Variants in GADL1 observed in about 807,000 individuals in gnomAD.
GADL1 encodes acidic amino acid decarboxylase GADL1.
A neutral mutation model predicts 69.5 loss-of-function variants in GADL1; 71 were observed. That is an observed-to-expected ratio of 1.02 (90% confidence interval 0.84 to 1.25). GADL1 has a LOEUF of 1.25. Ranked by LOEUF, GADL1 falls within the 50% of genes most tolerant of loss-of-function variation. GADL1 has a pLI of 0.00. For missense variants in GADL1, 737 were observed against 631.8 expected, an observed-to-expected ratio of 1.17 and a Z score of -1.79; for synonymous variants, 254 against 214.4, an observed-to-expected ratio of 1.18 and a Z score of -1.62.
intron 14 of GADL1, among the ~76,000 whole-genome samples, chr3:30,732,710 T>G (rs1335507812): frequency 1.3e-5 from 2 of 152,322 alleles, no homozygotes; most frequent in East Asian, 3.9e-4. Context: ...GACATTTCTT[T>G]TTAAGAATTT....
chr3:30,845,712 G>T (rs1323894817), intron 6 of GADL1, among the ~76,000 whole-genome samples: 1 of 152,150 alleles, frequency 6.6e-6, no homozygotes, highest in East Asian at 1.9e-4. Context: ...TAATGTACAA[G>T]AAAGTGTAAT....
chr3:30,844,445 C>T lies in GADL1; in HGVS notation c.673G>A (p.Ala225Thr). The change falls in exon 7 of 15, where the codon GCA becomes ACA. Residue 225 changes from alanine to threonine, a missense_variant. Transcript: ENST00000282538. ...GTGCCAATCCCAAGAAAAGAGGCTG[C>T]CTTCTTCATAGAGTAATGACACTGA... ...SAECHYSMKK[A>T]ASFLGIGTEN... 4 of 1,612,152 alleles carry T rather than the reference C, an allele frequency of 2.5e-6. No homozygotes were observed. The highest frequency in any genetic ancestry group is 3.4e-6 in the Non-Finnish European group (4 of 1,178,250).
chr3:30,783,769 A>G (rs948490337), intron 13 of GADL1, among the ~76,000 whole-genome samples: 1 of 152,026 alleles, frequency 6.6e-6, no homozygotes, highest in African/African-American at 2.4e-5. Flanking sequence ...GAAAAAATCC[A>G]GGGGCAGAAG....
chr3:30,859,925 G>A (rs984911008), intron 2 of GADL1, among the ~76,000 whole-genome samples: 1 of 151,830 alleles, frequency 6.6e-6, no homozygotes, highest in African/African-American at 2.4e-5. Flanking sequence ...TGACAACTTA[G>A]GATCTTAAGA....
At chr3:30,783,152 G>A (rs565519362) in intron 13 of GADL1, among the ~76,000 whole-genome samples, 5 of 152,250 alleles carry the variant, frequency 3.3e-5, no homozygotes, top group Admixed American at 1.3e-4. Flanking sequence ...ATATGTCCTC[G>A]AAGATCTTCT....
intron 14 of GADL1, among the ~76,000 whole-genome samples, chr3:30,753,422 T>C (rs1278753277): frequency 2.6e-5 from 4 of 152,148 alleles, no homozygotes; most frequent in African/African-American, 9.7e-5. Flanking sequence ...TTGGTTGAGG[T>C]TTTTCCTTAG....
At chr3:30,784,138 C>T (rs1285198263) in intron 13 of GADL1, among the ~76,000 whole-genome samples, 1 of 152,158 alleles carries the variant, frequency 6.6e-6, no homozygotes, top group Non-Finnish European at 1.5e-5. Flanking sequence ...AAACTATAGA[C>T]ATTTTCTTAC....
At chr3:30,802,988 T>C (rs759004844) in intron 11 of GADL1, among the ~76,000 whole-genome samples, 1 of 152,156 alleles carries the variant, frequency 6.6e-6, no homozygotes, top group Non-Finnish European at 1.5e-5. Flanking sequence ...TTGTGGCGTA[T>C]GCCTGAAGTG....
chr3:30,817,833 A>G (rs1391443539), intron 11 of GADL1, among the ~76,000 whole-genome samples: 9 of 152,214 alleles, frequency 5.9e-5, no homozygotes, highest in Admixed American at 3.3e-4. Context: ...AGGACATATA[A>G]TAGTCATATG....
chr3:30,761,475 GAT>G (rs569597986), intron 14 of GADL1, among the ~76,000 whole-genome samples: 182 of 123,302 alleles, frequency 1.5e-3, no homozygotes, highest in African/African-American at 5.2e-3. Flanking sequence ...CTGGGGGATA[GAT>G]ATGTTTATTT....
At chr3:30,808,314 G>A (rs922637485) in intron 11 of GADL1, among the ~76,000 whole-genome samples, 1 of 152,022 alleles carries the variant, frequency 6.6e-6, no homozygotes, top group Non-Finnish European at 1.5e-5. Flanking sequence ...TGACCAACAT[G>A]GTTGAAACCC....
At chr3:30,751,197 C>G (rs1422012813) in intron 14 of GADL1, among the ~76,000 whole-genome samples, 1 of 152,060 alleles carries the variant, frequency 6.6e-6, no homozygotes, top group East Asian at 1.9e-4. Context: ...AGGGCCAAGC[C>G]TCACTTCAGC....
At chr3:30,763,289 G>T (rs769149492) in intron 14 of GADL1, among the ~76,000 whole-genome samples, 6 of 152,038 alleles carry the variant, frequency 3.9e-5, no homozygotes, top group Non-Finnish European at 8.8e-5. Context: ...ACAAGGTCAG[G>T]AGATTGAGAC....
At chr3:30,744,610 A>G (rs1027603244) in intron 14 of GADL1, among the ~76,000 whole-genome samples, 4 of 152,164 alleles carry the variant, frequency 2.6e-5, no homozygotes, top group Non-Finnish European at 5.9e-5. Flanking sequence ...ACTACTTGGG[A>G]GACCGAGGCG....
rs190504457 is a variant in GADL1 at position 30,782,285 on chromosome 3, T to A, written c.1303-4017A>T. ...CAGTTAGGCTGGAGGGATCTAAGAC[T>A]GGAAGTGGGACACAAGTTAGCAGAC... On this transcript the variant is annotated intron_variant, in intron 13 of 14. Coordinates refer to ENST00000282538, the MANE Select transcript of GADL1 (RefSeq NM_207359.3). 3.3e-3 allele frequency among the ~76,000 whole-genome samples: 503 copies of A among 152,214 alleles called. 1 individual carries two copies. The highest frequency in any genetic ancestry group is 0.011 in the African/African-American group (454 of 41,532).
In GADL1 at chr3:30,740,906, AT is replaced by A. The variant is rs1367530497; in HGVS notation, c.1393-12492del. ...TATATTTATACAAACAAACATATAT[AT>A]ATCTAATATATAAAAAACAAATATA... is the stretch of plus-strand genomic sequence containing the variant. On this transcript the variant is annotated intron_variant, in intron 14 of 14. Coordinates refer to ENST00000282538, the MANE Select transcript of GADL1 (RefSeq NM_207359.3). Among the ~76,000 whole-genome samples, 19 of 142,408 alleles carry A rather than the reference AT, an allele frequency of 1.3e-4. No homozygotes were observed. In the East Asian group the frequency reaches 3.7e-3, roughly 28 times the overall value. 93.4% of individuals were successfully genotyped at this position (142,408 alleles called of 152,430 possible). A position where few individuals can be genotyped will look rare whatever the true frequency, so the allele number is the denominator to read the frequency against.
intron 9 of GADL1, among the ~76,000 whole-genome samples, chr3:30,838,423 G>A (rs1697907878): frequency 6.6e-6 from 1 of 152,118 alleles, no homozygotes; most frequent in Admixed American, 6.6e-5. Context: ...TCCTTTGCTA[G>A]AAAATAATGG....
At chr3:30,768,213 A>G (rs559392532) in intron 14 of GADL1, among the ~76,000 whole-genome samples, 1 of 152,288 alleles carries the variant, frequency 6.6e-6, no homozygotes, top group African/African-American at 2.4e-5. Flanking sequence ...TGAGCACTTT[A>G]TCGTCTGGAA....
chr3:30,800,619 C>A (rs918082983), intron 12 of GADL1: 4 of 449,190 alleles, frequency 8.9e-6, no homozygotes, highest in East Asian at 4.3e-5. Flanking sequence ...AAATGAGGGT[C>A]ATTTGTGCAT....
Sources: allele counts gnomAD v4.1 joint callset (sites outside exome capture counted in the v4.1 genomes callset), GRCh38; gene constraint gnomAD v4.1.1; transcripts MANE v1.5; gene names NCBI Gene and HGNC (gene_info 2026-07-23, HGNC 2026-07-21).